RBM27: variants seen among roughly 807,000 people sequenced by gnomAD.
The protein encoded by RBM27 is RNA-binding protein 27.
Under a neutral mutation model 135.3 loss-of-function variants are expected in RBM27, and 22 were observed. The ratio of observed to expected loss-of-function variants is 0.16; its 90% CI spans 0.12 to 0.23. The LOEUF (loss-of-function observed/expected upper bound fraction) is 0.23, where lower values mean the gene tolerates loss of function less well. Among genes scored for constraint, RBM27 ranks in the 10% least tolerant of loss-of-function variants. The probability of loss-of-function intolerance (pLI) is 1.00; values close to 1 mark genes in which losing one functional copy is unlikely to be tolerated. For synonymous variants in RBM27, 481 were observed against 442.4 expected, an observed-to-expected ratio of 1.09 and a Z score of -1.10; for missense variants, 1,009 against 1,281.0, an observed-to-expected ratio of 0.79 and a Z score of 3.24.
At chr5:146,254,755 T>TA (rs1758036916) in intron 9 of RBM27, among the ~76,000 whole-genome samples, 188 bp from the exon 10 acceptor site, 1 of 152,144 alleles carries the variant, frequency 6.6e-6, no homozygotes, top group South Asian at 2.1e-4. Flanking sequence ...GTCTTGAACA[T>TA]TTGTGCATTT....
chr5:146,266,067 C>T (rs1037966995), intron 14 of RBM27, among the ~76,000 whole-genome samples: 3 of 152,214 alleles, frequency 2.0e-5, no homozygotes, highest in Admixed American at 1.3e-4. Flanking sequence ...GAAGAAATAG[C>T]TGTCTCCAGA....
At chr5:146,261,028 C>G in intron 12 of RBM27, 130 bp downstream of exon 12, 1 of 868,218 alleles carries the variant, frequency 1.2e-6, no homozygotes, top group East Asian at 2.5e-5. Context: ...TAAATGCCAC[C>G]ATATATCTAT....
At chr5:146,233,243 A>G (rs960680890) in intron 6 of RBM27, among the ~76,000 whole-genome samples, 1 of 152,216 alleles carries the variant, frequency 6.6e-6, no homozygotes, top group Non-Finnish European at 1.5e-5. Flanking sequence ...TCAACAAGTC[A>G]TAGTATCATA....
At chr5:146,225,597 G>C (rs1432697483) in intron 3 of RBM27, among the ~76,000 whole-genome samples, 2 of 143,142 alleles carry the variant, frequency 1.4e-5, no homozygotes, top group Admixed American at 1.4e-4. Flanking sequence ...GACGGAGTCC[G>C]CTCCATCGCC....
intron 19 of RBM27, among the ~76,000 whole-genome samples, chr5:146,273,660 A>G (rs1178866512): frequency 6.6e-6 from 1 of 152,238 alleles, no homozygotes; most frequent in Non-Finnish European, 1.5e-5. Context: ...GTTAGCAAAC[A>G]TAAAAGGAAA....
intron 7 of RBM27, among the ~76,000 whole-genome samples, chr5:146,233,977 T>G (rs950031699): frequency 6.6e-6 from 1 of 152,196 alleles, no homozygotes; most frequent in African/African-American, 2.4e-5. Flanking sequence ...TATATTGACC[T>G]GCAGTCAAAT....
intron 1 of RBM27, among the ~76,000 whole-genome samples, chr5:146,210,941 C>T (rs1434555169): frequency 6.8e-4 from 98 of 144,224 alleles, no homozygotes; most frequent in African/African-American, 2.1e-3. Context: ...AGCGAGACTC[C>T]GTCTCAAAAA....
At chr5:146,218,391 T>C (rs1456242222) in intron 1 of RBM27, among the ~76,000 whole-genome samples, 2 of 152,232 alleles carry the variant, frequency 1.3e-5, no homozygotes, top group East Asian at 3.8e-4. Context: ...TTCTAACTCC[T>C]AGATCTTTTC....
chr5:146,262,900 T>G (rs1351863185), intron 13 of RBM27, among the ~76,000 whole-genome samples: 2 of 151,918 alleles, frequency 1.3e-5, no homozygotes, highest in Non-Finnish European at 2.9e-5. Flanking sequence ...CTTTTTTTTT[T>G]TTTTTGAGAC....
chr5:146,240,964 C>T (rs930934174), intron 8 of RBM27, among the ~76,000 whole-genome samples: 3 of 151,944 alleles, frequency 2.0e-5, no homozygotes, highest in African/African-American at 7.3e-5. Flanking sequence ...TGTGCTTATC[C>T]CTCAGTTTCA....
intron 1 of RBM27, among the ~76,000 whole-genome samples, chr5:146,207,658 CTTTTT>C (rs1224104910): frequency 7.8e-6 from 1 of 128,958 alleles, no homozygotes; most frequent in Non-Finnish European, 1.7e-5. Flanking sequence ...GGAGATATTT[CTTTTT>C]TTTTTTTTTT....
At position 146,284,664 on chromosome 5, in the gene RBM27, A is replaced by G. The variant is rs368824805; in HGVS notation, c.3031A>G (p.Ile1011Val). 3.7e-6 allele frequency: 6 copies of G among 1,613,600 alleles called. No individual in the cohort carries two copies. The African/African-American group carries it at 4.0e-5, about 11-fold the overall frequency. ...GPKFKDRRLQ[I>V]SWHKPKVPSI... ...AAAATTTAAAGACCGTCGGCTACAGATATCATGGCACAAGCCCAAGGTACC... is the reference window on the plus strand; with the variant it reads ...AAAATTTAAAGACCGTCGGCTACAGGTATCATGGCACAAGCCCAAGGTACC... Residue 1011 changes from isoleucine to valine, a missense_variant, in exon 20 of 21, where the codon ATA (isoleucine) becomes GTA (valine). Around this residue, in one of 6 missense-constraint regions of RBM27, gnomAD observed 355 missense variants for 427.3 expected, o/e 0.83. Coordinates refer to ENST00000265271, the MANE Select transcript of RBM27 (RefSeq NM_018989.2).
chr5:146,236,930 CTTTTTTTT>C (rs36073661), intron 7 of RBM27, among the ~76,000 whole-genome samples: 1 of 47,168 alleles, frequency 2.1e-5, no homozygotes, highest in Non-Finnish European at 4.0e-5. Flanking sequence ...TATGATGGTC[CTTTTTTTT>C]TTTTTTTTTT....
At chr5:146,220,036 G>C (rs1249189381) in intron 2 of RBM27, among the ~76,000 whole-genome samples, 1 of 151,986 alleles carries the variant, frequency 6.6e-6, no homozygotes, top group African/African-American at 2.4e-5. Context: ...CCTGACTCCT[G>C]TTTTGTTGTT....
At chr5:146,258,656 A>G in intron 11 of RBM27, 63 bp downstream of exon 11, 1 of 1,335,502 alleles carries the variant, frequency 7.5e-7, no homozygotes, top group Non-Finnish European at 9.8e-7. Flanking sequence ...GTAAATTCAT[A>G]AAAATAAGAT....
At chr5:146,230,315 T>C (rs1384803853) in intron 5 of RBM27, among the ~76,000 whole-genome samples, 2 of 152,350 alleles carry the variant, frequency 1.3e-5, no homozygotes, top group East Asian at 3.9e-4. Context: ...AAGTAGATTA[T>C]TGGGATCCCA....
At chr5:146,229,088 G>C in intron 4 of RBM27, 51 bp downstream of exon 4, 1 of 1,427,980 alleles carries the variant, frequency 7.0e-7, no homozygotes, top group South Asian at 1.2e-5. Context: ...CTTTTTAGTT[G>C]CCTTGCAAGG....
chr5:146,274,317 C>T (rs1758996599), intron 19 of RBM27, among the ~76,000 whole-genome samples: 1 of 151,642 alleles, frequency 6.6e-6, no homozygotes, highest in Non-Finnish European at 1.5e-5. Flanking sequence ...AGTGTAGTGG[C>T]ATGATCTTAG....
chr5:146,236,158 A>G (rs1221493214), intron 7 of RBM27, among the ~76,000 whole-genome samples: 1 of 152,164 alleles, frequency 6.6e-6, no homozygotes, highest in Non-Finnish European at 1.5e-5. Flanking sequence ...CAAGAATACC[A>G]TTTCTCCCGA....
Sources: allele counts gnomAD v4.1 joint callset (sites outside exome capture counted in the v4.1 genomes callset), GRCh38; gene constraint gnomAD v4.1.1; regional missense constraint gnomAD v4.1.1; transcripts MANE v1.5; gene names NCBI Gene and HGNC (gene_info 2026-07-23, HGNC 2026-07-21).